Variants in NDUFAF2 observed in about 807,000 individuals in gnomAD.
The protein encoded by NDUFAF2 is NADH dehydrogenase [ubiquinone] 1 alpha subcomplex assembly factor 2.
In NDUFAF2, 13 loss-of-function variants were observed where a neutral mutation model predicts 22.8. The ratio of observed to expected loss-of-function variants is 0.57; its 90% CI spans 0.37 to 0.91. The LOEUF is 0.91. Among genes scored for constraint, NDUFAF2 ranks in the 40% least tolerant of loss-of-function variants. The probability of loss-of-function intolerance (pLI) is 0.01; values close to 1 mark genes in which losing one functional copy is unlikely to be tolerated. For missense variants in NDUFAF2, 162 were observed against 195.2 expected (o/e 0.83, Z 1.01); for synonymous variants, 53 against 64.2 (o/e 0.83, Z 0.84).
rs114361970 is a variant in NDUFAF2, at chr5:61,095,052, G to A, written c.218-3940G>A. ...GGTCAACTTGGACTCTCCAAAGCCC[G>A]GAGCCTGGAATGGCTATGTCACCGA... On this transcript the variant is annotated intron_variant, in intron 2 of 3. Transcript: ENST00000296597. 2.7e-3 allele frequency among the ~76,000 whole-genome samples: 415 copies of A among 151,890 alleles called. 5 individuals carry two copies. Among genetic ancestry groups the A allele is most frequent in the African/African-American group, 9.3e-3 (384 of 41,424 alleles).
chr5:60,988,516 C>T (rs772275613), intron 1 of NDUFAF2, among the ~76,000 whole-genome samples: 4 of 152,056 alleles, frequency 2.6e-5, no homozygotes, highest in African/African-American at 4.8e-5. Flanking sequence ...TAATGTTACC[C>T]GACTTCAAAC....
intron 1 of NDUFAF2, among the ~76,000 whole-genome samples, chr5:61,066,890 A>G (rs558257741): frequency 2.6e-5 from 4 of 152,220 alleles, no homozygotes; most frequent in African/African-American, 7.2e-5. Flanking sequence ...GACTGATTGT[A>G]TACAGAGACC....
At chr5:60,953,313 AC>A (rs1294179707) in intron 1 of NDUFAF2, among the ~76,000 whole-genome samples, 1 of 152,112 alleles carries the variant, frequency 6.6e-6, no homozygotes, top group Non-Finnish European at 1.5e-5. Flanking sequence ...AGACAGTGGA[AC>A]AATATCTTTA....
intron 3 of NDUFAF2, among the ~76,000 whole-genome samples, chr5:61,107,088 C>CACACACAA (rs1173994408): frequency 6.1e-5 from 9 of 146,574 alleles, no homozygotes; most frequent in African/African-American, 2.4e-4. Context: ...CACACACACA[C>CACACACAA]ACATATATGC....
At chr5:61,124,126 T>C (rs1314235326) in intron 3 of NDUFAF2, among the ~76,000 whole-genome samples, 2 of 152,110 alleles carry the variant, frequency 1.3e-5, no homozygotes, top group Non-Finnish European at 2.9e-5. Flanking sequence ...GAATGCTAGC[T>C]GAATAGTTTC....
At chr5:60,997,009 G>A (rs1235237285) in intron 1 of NDUFAF2, among the ~76,000 whole-genome samples, 1 of 152,168 alleles carries the variant, frequency 6.6e-6, no homozygotes, top group Non-Finnish European at 1.5e-5. Context: ...TGCTGTTCTT[G>A]TTGGGGGGAC....
chr5:61,101,088 C>G (rs1486984776), intron 3 of NDUFAF2, among the ~76,000 whole-genome samples: 1 of 152,080 alleles, frequency 6.6e-6, no homozygotes, highest in Admixed American at 6.6e-5. Context: ...CTTTTACACT[C>G]TTCAAATCCA....
intron 3 of NDUFAF2, among the ~76,000 whole-genome samples, chr5:61,103,511 T>C (rs904749260): frequency 7.9e-5 from 12 of 152,164 alleles, no homozygotes; most frequent in African/African-American, 2.7e-4. Flanking sequence ...GTGTTTTATT[T>C]GTCCATATTT....
intron 1 of NDUFAF2, among the ~76,000 whole-genome samples, chr5:61,070,067 T>G (rs1174698287): frequency 6.6e-6 from 1 of 152,140 alleles, no homozygotes; most frequent in Admixed American, 6.6e-5. Context: ...ACTCATTGAG[T>G]CCACCAATGT....
intron 1 of NDUFAF2, among the ~76,000 whole-genome samples, chr5:61,062,349 A>G (rs1368464313): frequency 6.6e-6 from 1 of 152,140 alleles, no homozygotes; most frequent in Non-Finnish European, 1.5e-5. Context: ...GAAATTCAAT[A>G]TAGATAGATA....
intron 1 of NDUFAF2, among the ~76,000 whole-genome samples, chr5:61,021,339 A>G (rs1184368654): frequency 3.1e-5 from 3 of 98,122 alleles, no homozygotes; most frequent in Non-Finnish European, 6.3e-5. Context: ...CCCTTTGTCC[A>G]TCTTCAAACA....
chr5:61,094,291 T>C (rs1752607949), intron 2 of NDUFAF2, among the ~76,000 whole-genome samples: 1 of 152,218 alleles, frequency 6.6e-6, no homozygotes, highest in African/African-American at 2.4e-5. Context: ...TTAATACTTG[T>C]GATTGCATTA....
At chr5:61,031,899 CTT>C (rs1211150269) in intron 1 of NDUFAF2, among the ~76,000 whole-genome samples, 1 of 152,134 alleles carries the variant, frequency 6.6e-6, no homozygotes, top group Non-Finnish European at 1.5e-5. Flanking sequence ...TGTTTCCTGA[CTT>C]TTTAATGATT....
chr5:61,073,242 A>T, intron 2 of NDUFAF2, 28 bp downstream of exon 2: 1 of 1,473,560 alleles, frequency 6.8e-7, no homozygotes, highest in Non-Finnish European at 9.5e-7. Context: ...GTAGAATCTC[A>T]TGGGAGGTAA....
intron 1 of NDUFAF2, among the ~76,000 whole-genome samples, chr5:61,048,095 T>A (rs533268569): frequency 1.3e-5 from 2 of 152,276 alleles, no homozygotes; most frequent in South Asian, 4.1e-4. Context: ...ATCACAAATT[T>A]AAGTGTGTCC....
At chr5:61,149,329 CAT>C (rs1250802788) in intron 3 of NDUFAF2, among the ~76,000 whole-genome samples, 1 of 152,104 alleles carries the variant, frequency 6.6e-6, no homozygotes, top group Admixed American at 6.5e-5. Flanking sequence ...TCTTAGGAAA[CAT>C]AATACTGTTA....
intron 1 of NDUFAF2, among the ~76,000 whole-genome samples, chr5:61,047,596 G>A (rs1167131856): frequency 6.6e-6 from 1 of 152,022 alleles, no homozygotes; most frequent in Non-Finnish European, 1.5e-5. Flanking sequence ...ATTGCTCTTG[G>A]ATCTCAGTGT....
chr5:61,150,341 G>GA (rs1741212568), intron 3 of NDUFAF2, among the ~76,000 whole-genome samples: 1 of 151,924 alleles, frequency 6.6e-6, no homozygotes, highest in African/African-American at 2.4e-5. Context: ...TGTTTTTTCA[G>GA]AAAAACAAAA....
intron 3 of NDUFAF2, among the ~76,000 whole-genome samples, chr5:61,105,944 A>G (rs991485438): frequency 3.3e-5 from 5 of 151,458 alleles, no homozygotes; most frequent in Non-Finnish European, 5.9e-5. Flanking sequence ...CTGAGAAGTA[A>G]TCCAATTTAA....
Sources: allele counts gnomAD v4.1 joint callset (sites outside exome capture counted in the v4.1 genomes callset), GRCh38; gene constraint gnomAD v4.1.1; transcripts MANE v1.5; gene names NCBI Gene and HGNC (gene_info 2026-07-23, HGNC 2026-07-21).